SIPA1L1: variants seen among roughly 807,000 people sequenced by gnomAD.
SIPA1L1 encodes signal induced proliferation associated 1 like 1, also known as signal-induced proliferation-associated 1-like protein 1.
SIPA1L1 carries 26 observed loss-of-function variants against 162.7 expected under a neutral mutation model. The observed-to-expected ratio is 0.16, with a 90% CI of 0.12 to 0.22. The LOEUF (loss-of-function observed/expected upper bound fraction) is 0.22. Among genes scored for constraint, SIPA1L1 ranks in the 10% least tolerant of loss-of-function variants. SIPA1L1 has a pLI of 1.00. For missense variants in SIPA1L1, 1,874 were observed against 2,241.0 expected, an observed-to-expected ratio of 0.84 and a Z score of 3.31; for synonymous variants, 829 against 837.4, an observed-to-expected ratio of 0.99 and a Z score of 0.17.
At chr14:71,526,453 A>G (rs889555815) in intron 3 of SIPA1L1, among the ~76,000 whole-genome samples, 5 of 152,124 alleles carry the variant, frequency 3.3e-5, no homozygotes, top group Non-Finnish European at 7.3e-5. Flanking sequence ...ATATTCTTTC[A>G]TGTGTCTGGC....
chr14:71,737,600 C>T (rs1566770890), intron 22 of SIPA1L1, among the ~76,000 whole-genome samples: 1 of 152,150 alleles, frequency 6.6e-6, no homozygotes, highest in Non-Finnish European at 1.5e-5. Flanking sequence ...ACTCCACTAG[C>T]ACGGCATGAT....
chr14:71,705,467 T>TTGCTGCCATGGCCTTGCAGTTTC (rs2082370597), intron 16 of SIPA1L1, 127 bp downstream of exon 16: 1 of 753,490 alleles, frequency 1.3e-6, no homozygotes, highest in Non-Finnish European at 2.3e-6. Context: ...GAGTGGTCGT[T>TTGCTGCCATGGCCTTGCAGTTTC]TGCTGCCATG....
At chr14:71,348,690 T>TA (rs1183832471) in intron 2 of SIPA1L1, among the ~76,000 whole-genome samples, 1 of 151,768 alleles carries the variant, frequency 6.6e-6, no homozygotes, top group Non-Finnish European at 1.5e-5. Flanking sequence ...AACAAAGTGA[T>TA]AACTAAAAAG....
chr14:71,493,754 T>C (rs1382453541), intron 2 of SIPA1L1, among the ~76,000 whole-genome samples: 1 of 152,204 alleles, frequency 6.6e-6, no homozygotes, highest in Non-Finnish European at 1.5e-5. Flanking sequence ...TCAAATGGAT[T>C]AAGAAAATTA....
chr14:71,512,621 TG>T (rs1213902435), intron 2 of SIPA1L1, 121 bp from the exon 3 acceptor site: 7 of 128,258 alleles, frequency 5.5e-5, no homozygotes, highest in African/African-American at 2.1e-4. Context: ...TGCCATATTT[TG>T]ACATGGCCCT....
chr14:71,634,658 C>G lies in SIPA1L1; in HGVS notation c.1818+10422C>G, dbSNP rs113586275. Reference sequence around the variant, plus strand: ...ACCCTTAAAAAGTAGCTAAGTTGGCCGGGCGCGGTGGCTCACGTCTGTAAT... The same window carrying G: ...ACCCTTAAAAAGTAGCTAAGTTGGCGGGGCGCGGTGGCTCACGTCTGTAAT... On this transcript the variant is annotated intron_variant, in intron 7 of 23. Transcript: ENST00000381232. Among the ~76,000 whole-genome samples the G allele has an allele frequency of 5.7e-3, 860 of 151,682 alleles. 14 individuals carry two copies. The highest frequency in any genetic ancestry group is 0.02 in the African/African-American group (808 of 41,346).
At chr14:71,705,017 T>C (rs766953791) in intron 15 of SIPA1L1, 2 of 611,380 alleles carry the variant, frequency 3.3e-6, no homozygotes, top group Non-Finnish European at 5.8e-6. Flanking sequence ...ACGTGACAAG[T>C]TGTCACCAGC....
chr14:71,720,887 G>A lies in SIPA1L1; in HGVS notation c.4209-2760G>A, dbSNP rs181931763. On this transcript the variant is annotated intron_variant, in intron 17 of 23. Transcript: ENST00000381232. Reference sequence around the variant, plus strand: ...ATCTTGAAGTTTATTGAACTTGCTCGAGGACAGGTATTTTGAATTCTCTGT... The same window carrying A: ...ATCTTGAAGTTTATTGAACTTGCTCAAGGACAGGTATTTTGAATTCTCTGT... 4.6e-5 allele frequency among the ~76,000 whole-genome samples: 7 copies of A among 152,132 alleles called. No homozygotes were observed. The East Asian group carries it at 7.7e-4, about 17-fold the overall frequency.
At chr14:71,717,192 C>T (rs907151775) in intron 17 of SIPA1L1, among the ~76,000 whole-genome samples, 1 of 152,194 alleles carries the variant, frequency 6.6e-6, no homozygotes, top group African/African-American at 2.4e-5. Context: ...GCCACTGCGC[C>T]CGACCTCTTT....
At chr14:71,718,771 T>TTGACTTATAA (rs1264945210) in intron 17 of SIPA1L1, among the ~76,000 whole-genome samples, 3 of 152,218 alleles carry the variant, frequency 2.0e-5, no homozygotes, top group Admixed American at 6.5e-5. Context: ...AAGTCAACAT[T>TTGACTTATAA]ATGTTGCTAA....
intron 17 of SIPA1L1, among the ~76,000 whole-genome samples, chr14:71,713,892 A>G (rs1044972427): frequency 6.7e-6 from 1 of 149,056 alleles, no homozygotes; most frequent in Non-Finnish European, 1.5e-5. Context: ...TTTTTTTTTT[A>G]GTTACTAACA....
chr14:71,659,988 A>G (rs929916493), intron 9 of SIPA1L1, among the ~76,000 whole-genome samples: 22 of 152,138 alleles, frequency 1.4e-4, no homozygotes, highest in African/African-American at 3.1e-4. Context: ...TTCTTTTGCA[A>G]ATATTTTTAA....
At chr14:71,612,461 TTAAC>T (rs1333532780) in intron 5 of SIPA1L1, among the ~76,000 whole-genome samples, 3 of 152,232 alleles carry the variant, frequency 2.0e-5, no homozygotes, top group Non-Finnish European at 2.9e-5. Flanking sequence ...ACAATTTAAA[TTAAC>T]TATTGTAAAC....
intron 6 of SIPA1L1, among the ~76,000 whole-genome samples, chr14:71,619,988 C>T (rs537400783): frequency 5.9e-5 from 9 of 152,308 alleles, no homozygotes; most frequent in South Asian, 2.1e-4. Flanking sequence ...CACAAAGGCA[C>T]GAAGAACGTC....
chr14:71,473,779 A>G (rs888365812), intron 2 of SIPA1L1, among the ~76,000 whole-genome samples: 2 of 152,362 alleles, frequency 1.3e-5, no homozygotes, highest in African/African-American at 4.8e-5. Context: ...ACTTGAGAAC[A>G]GAAATGTTCT....
chr14:71,656,808 C>G (rs950722649), intron 8 of SIPA1L1, among the ~76,000 whole-genome samples: 1 of 152,204 alleles, frequency 6.6e-6, no homozygotes, highest in Non-Finnish European at 1.5e-5. Flanking sequence ...CAGTACCTAA[C>G]GGCAGCGGAG....
intron 2 of SIPA1L1, among the ~76,000 whole-genome samples, chr14:71,336,020 A>G (rs985343768): frequency 6.6e-6 from 1 of 152,098 alleles, no homozygotes; most frequent in African/African-American, 2.4e-5. Flanking sequence ...TTCATGCTTA[A>G]TTTTTCCCCC....
intron 5 of SIPA1L1, among the ~76,000 whole-genome samples, chr14:71,601,231 G>A (rs972801355): frequency 2.0e-5 from 3 of 151,958 alleles, no homozygotes; most frequent in Non-Finnish European, 1.5e-5. Flanking sequence ...GCTGTGGGTT[G>A]GTCATATATG....
chr14:71,496,862 A>G (rs985295101), intron 2 of SIPA1L1, among the ~76,000 whole-genome samples: 1 of 152,214 alleles, frequency 6.6e-6, no homozygotes, highest in African/African-American at 2.4e-5. Flanking sequence ...TCTTAAACTA[A>G]AAAGAGAATC....
Sources: gnomAD v4.1 joint callset for allele counts (sites outside exome capture counted in the v4.1 genomes callset) on GRCh38, gnomAD v4.1.1 for gene constraint, MANE v1.5 for transcripts, NCBI Gene and HGNC (gene_info 2026-07-23, HGNC 2026-07-21) for gene names.